ZNF713: variants seen among roughly 807,000 people sequenced by gnomAD.
ZNF713 encodes the protein zinc finger protein 713.
Under a neutral mutation model 28.7 loss-of-function variants are expected in ZNF713, and 21 were observed. That is an observed-to-expected ratio of 0.73 (90% confidence interval 0.52 to 1.05). The LOEUF (loss-of-function observed/expected upper bound fraction) is 1.05, where lower values mean the gene tolerates loss of function less well. Among genes scored for constraint, ZNF713 ranks in the 50% least tolerant of loss-of-function variants. The pLI is 0.00. For synonymous variants in ZNF713, 167 were observed against 178.0 expected, an observed-to-expected ratio of 0.94 and a Z score of 0.49; for missense variants, 458 against 532.4, an observed-to-expected ratio of 0.86 and a Z score of 1.37.
intron 6 of ZNF713, among the ~76,000 whole-genome samples, chr7:55,933,007 G>C (rs1378987847): frequency 6.6e-6 from 1 of 151,682 alleles, no homozygotes; most frequent in African/African-American, 2.4e-5. Context: ...GGAGGTTGAG[G>C]AGGGCGAATC....
At chr7:55,901,080 CA>C (rs1278048920) in intron 1 of ZNF713, among the ~76,000 whole-genome samples, 8 of 152,198 alleles carry the variant, frequency 5.3e-5, no homozygotes, top group Non-Finnish European at 5.9e-5. Flanking sequence ...GGCTATTCCA[CA>C]ATGTGTATTA....
intron 6 of ZNF713, among the ~76,000 whole-genome samples, chr7:55,930,873 C>T (rs1786196671): frequency 6.6e-6 from 1 of 152,140 alleles, no homozygotes. Context: ...TACTATCTGG[C>T]CCTTTACAGA....
chr7:55,899,460 C>A, intron 1 of ZNF713, among the ~76,000 whole-genome samples: 1 of 134,286 alleles, frequency 7.4e-6, no homozygotes, highest in East Asian at 2.2e-4. Flanking sequence ...ATCACAAGGT[C>A]AGGAGTTCAA....
At chr7:55,933,790 T>G (rs1786291129) in intron 6 of ZNF713, among the ~76,000 whole-genome samples, 1 of 152,184 alleles carries the variant, frequency 6.6e-6, no homozygotes, top group Admixed American at 6.5e-5. Flanking sequence ...CGGCAACCTC[T>G]GCCTCCCGGG....
chr7:55,904,003 T>A (rs1785627979), intron 1 of ZNF713, among the ~76,000 whole-genome samples: 1 of 151,622 alleles, frequency 6.6e-6, no homozygotes, highest in Non-Finnish European at 1.5e-5. Flanking sequence ...TCCCTGTAAG[T>A]CAACTACAGA....
At position 55,908,139 on chromosome 7, in the gene ZNF713, T is replaced by G. The variant is rs1003670030; in HGVS notation, c.-456+1760T>G. Among the ~76,000 whole-genome samples the G allele has an allele frequency of 4.5e-4, 32 of 70,778 alleles. 1 individual carries two copies. The East Asian group carries it at 0.011, about 25-fold the overall frequency. The allele number at this position is 70,778 out of a possible 152,430, so 46.4% of individuals were successfully genotyped here. ...TCCTCACCAACATCCGTTGTTGTTT[T>G]TTTTTTTTTTTTTTTTTTTTTGAGA... On this transcript the variant is annotated intron_variant, in intron 2 of 6. Transcript: ENST00000429591.
At chr7:55,916,937 G>A (rs1025634945) in intron 4 of ZNF713, among the ~76,000 whole-genome samples, 6 of 152,090 alleles carry the variant, frequency 3.9e-5, no homozygotes, top group African/African-American at 7.2e-5. Context: ...AAAAGCGGCC[G>A]GGCGCAGTGG....
chr7:55,935,258 C>T (rs1562749563), intron 6 of ZNF713, among the ~76,000 whole-genome samples: 1 of 151,984 alleles, frequency 6.6e-6, no homozygotes, highest in Non-Finnish European at 1.5e-5. Context: ...TAAGGATGTT[C>T]ATTGCATTAT....
At chr7:55,907,674 T>C (rs1785705950) in intron 2 of ZNF713, among the ~76,000 whole-genome samples, 2 of 152,096 alleles carry the variant, frequency 1.3e-5, no homozygotes, top group African/African-American at 4.8e-5. Flanking sequence ...CATGCACCCA[T>C]TGTTTAGCTC....
intron 6 of ZNF713, among the ~76,000 whole-genome samples, chr7:55,928,569 G>A (rs1026469157): frequency 9.9e-5 from 15 of 152,162 alleles, no homozygotes; most frequent in African/African-American, 3.4e-4. Context: ...GAATATGAAT[G>A]TATTGCCATG....
At position 55,939,306 on chromosome 7, in the gene ZNF713, C is replaced by G. The variant is rs776929989; in HGVS notation, c.632C>G (p.Thr211Arg). 4 of 1,614,008 alleles carry G rather than the reference C, an allele frequency of 2.5e-6. No individual in the cohort carries two copies. The Admixed American group carries it at 6.7e-5, about 27-fold the overall frequency. Residue 211 changes from threonine (T) to arginine (R), a missense_variant, in exon 7 of 7, where the codon ACA becomes AGA. Physicochemically the swap from Thr to Arg is moderately conservative, Grantham distance 71 (BLOSUM62 -1). Coordinates refer to ENST00000429591, the MANE Select transcript of ZNF713 (RefSeq NM_182633.3). ...PSIKIPLNSD[T>R]QGNSIKHNSD... Reference sequence around the variant, plus strand: ...ATTAAAATACCCCTGAATTCTGACACACAGGGAAACAGCATCAAACATAAT... The same window carrying G: ...ATTAAAATACCCCTGAATTCTGACAGACAGGGAAACAGCATCAAACATAAT...
intron 6 of ZNF713, among the ~76,000 whole-genome samples, chr7:55,932,258 G>T (rs1786224999): frequency 6.6e-6 from 1 of 151,664 alleles, no homozygotes; most frequent in African/African-American, 2.4e-5. Context: ...GCCAGGCGTG[G>T]TGGCTTACGC....
chr7:55,923,001 T>C (rs117728754), intron 4 of ZNF713, among the ~76,000 whole-genome samples, 161 bp from the exon 5 acceptor site: 134 of 152,294 alleles, frequency 8.8e-4, no homozygotes, highest in Non-Finnish European at 1.5e-3. Flanking sequence ...GATAGAAAGG[T>C]ACTAATTTTT....
intron 6 of ZNF713, 109 bp downstream of exon 6, chr7:55,923,808 G>A (rs1427474334): frequency 1.4e-6 from 1 of 724,374 alleles, no homozygotes; most frequent in East Asian, 2.8e-5. Flanking sequence ...GGAATACTAA[G>A]CCTTTTGAAA....
Position 55,939,408 on chromosome 7 carries a change from A to G in ZNF713, c.734A>G (p.Asn245Ser), listed in dbSNP as rs1264729957. 2 of 1,613,864 alleles carry G rather than the reference A, an allele frequency of 1.2e-6. No individual in the cohort carries two copies. The highest frequency in any genetic ancestry group is 1.7e-5 in the Admixed American group (1 of 60,016). The change falls in exon 7 of 7, where the codon AAT (asparagine) becomes AGT (serine). Residue 245 changes from asparagine (N) to serine (S), a missense_variant. By Grantham distance (46) the Asn-to-Ser change is conservative. Coordinates refer to ENST00000429591, the MANE Select transcript of ZNF713 (RefSeq NM_182633.3). Reference protein sequence around the residue: ...YEYSECGKIFNQHILLTDHIH... With the variant: ...YEYSECGKIFSQHILLTDHIH... ...TATAGTGAGTGTGGAAAAATCTTCA[A>G]TCAACATATTCTTCTTACTGATCAT...
rs532458905 is a variant in ZNF713, at chr7:55,938,424, A to C, written c.308-558A>C. Among the ~76,000 whole-genome samples the C allele has an allele frequency of 2.6e-5, 4 of 152,276 alleles. 1 individual carries two copies. The South Asian group carries it at 8.4e-4, about 32-fold the overall frequency. On this transcript the variant is annotated intron_variant, in intron 6 of 6. Coordinates refer to ENST00000429591, the MANE Select transcript of ZNF713 (RefSeq NM_182633.3). ...GAAAATCTGACAAGACAGGCTCTAAACTATTAACAAGGATTTCCTTTAATG... is the reference window on the plus strand; with the variant it reads ...GAAAATCTGACAAGACAGGCTCTAACCTATTAACAAGGATTTCCTTTAATG...
intron 1 of ZNF713, among the ~76,000 whole-genome samples, chr7:55,904,814 C>T (rs530123973): frequency 1.4e-4 from 21 of 152,274 alleles, no homozygotes; most frequent in Non-Finnish European, 2.5e-4. Flanking sequence ...GCAATCTCCA[C>T]CCCCTCGGCT....
At position 55,938,999 on chromosome 7, in the gene ZNF713, G is replaced by A. The variant is rs775723451; in HGVS notation, c.325G>A (p.Glu109Lys). 34 of 1,580,878 alleles carry A rather than the reference G, an allele frequency of 2.2e-5. No homozygotes were observed. Among genetic ancestry groups the A allele is most frequent in the South Asian group, 1.2e-4 (10 of 86,180 alleles). ...TCTTTTAGATGGAGAAAACAGACCC[G>A]AAATCAAAAAGTCAACCACAAGCCA... ...DTHPDGENRP[E>K]IKKSTTSQNI... Residue 109 changes from glutamate to lysine, a missense_variant, in exon 7 of 7, where the codon GAA becomes AAA. Coordinates refer to ENST00000429591, the MANE Select transcript of ZNF713 (RefSeq NM_182633.3).
At chr7:55,896,719 A>G (rs1234118644) in intron 1 of ZNF713, among the ~76,000 whole-genome samples, 1 of 151,986 alleles carries the variant, frequency 6.6e-6, no homozygotes, top group African/African-American at 2.4e-5. Context: ...AGGGCCTAGA[A>G]GCAATGATAC....
Sources: gnomAD v4.1 joint callset for allele counts (sites outside exome capture counted in the v4.1 genomes callset) on GRCh38, gnomAD v4.1.1 for gene constraint, MANE v1.5 for transcripts, NCBI Gene and HGNC (gene_info 2026-07-23, HGNC 2026-07-21) for gene names.